ALDH2: variants seen among roughly 807,000 people sequenced by gnomAD.
ALDH2 encodes the protein aldehyde dehydrogenase 2 family member.
A neutral mutation model predicts 59.6 loss-of-function variants in ALDH2; 44 were observed. That is an observed-to-expected ratio of 0.74 (90% CI 0.58 to 0.95). The LOEUF (loss-of-function observed/expected upper bound fraction) is 0.95, where lower values mean the gene tolerates loss of function less well. Ranked by LOEUF, ALDH2 falls within the 40% of genes least tolerant of loss-of-function variation. The probability of loss-of-function intolerance (pLI) is 0.00; values close to 1 mark genes in which losing one functional copy is unlikely to be tolerated. For synonymous variants in ALDH2, 291 were observed against 284.0 expected (o/e 1.02, Z -0.25); for missense variants, 570 against 696.3 (o/e 0.82, Z 2.04).
intron 3 of ALDH2, among the ~76,000 whole-genome samples, chr12:111,783,934 G>A (rs1434152644): frequency 6.6e-6 from 1 of 152,114 alleles, no homozygotes; most frequent in Non-Finnish European, 1.5e-5. Context: ...CCTCCATGGT[G>A]GGCCTTCTCC....
intron 9 of ALDH2, 107 bp from the exon 10 acceptor site, chr12:111,797,971 C>A: frequency 7.4e-7 from 1 of 1,355,884 alleles, no homozygotes; most frequent in Non-Finnish European, 1.0e-6. Context: ...TTTCTTATGA[C>A]CTTGGTCCAT....
chr12:111,790,915 G>A (rs1435214844), intron 6 of ALDH2, among the ~76,000 whole-genome samples: 1 of 152,156 alleles, frequency 6.6e-6, no homozygotes, highest in Non-Finnish European at 1.5e-5. Context: ...TCAGCTGGGT[G>A]GCATGCACCT....
intron 7 of ALDH2, among the ~76,000 whole-genome samples, chr12:111,791,835 A>G (rs368139724): frequency 2.0e-5 from 3 of 152,090 alleles, no homozygotes; most frequent in Non-Finnish European, 4.4e-5. Context: ...CTGAGAGGTC[A>G]AGGCTGCAGT....
At chr12:111,781,600 A>G (rs768629131) in intron 1 of ALDH2, among the ~76,000 whole-genome samples, 10 of 152,216 alleles carry the variant, frequency 6.6e-5, no homozygotes, top group Non-Finnish European at 1.2e-4. Flanking sequence ...ACTGTGGGAG[A>G]TAAGAAATCA....
intron 1 of ALDH2, among the ~76,000 whole-genome samples, chr12:111,774,696 T>TTACTG (rs2068222854): frequency 6.6e-6 from 1 of 152,162 alleles, no homozygotes; most frequent in Non-Finnish European, 1.5e-5. Context: ...GGGCAGATGA[T>TTACTG]AACCACCCAT....
intron 4 of ALDH2, among the ~76,000 whole-genome samples, chr12:111,789,491 C>CA (rs35650885): frequency 0.069 from 5,095 of 73,922 alleles, 861 homozygotes; most frequent in East Asian, 0.62. Flanking sequence ...GACGCTGTCT[C>CA]AAAAAAAAAA....
At chr12:111,792,843 C>A in intron 9 of ALDH2, 61 bp downstream of exon 9, 5 of 1,491,896 alleles carry the variant, frequency 3.4e-6, no homozygotes, top group Non-Finnish European at 3.6e-6. Flanking sequence ...GCAGAGAGGG[C>A]ATCGGGCTCA....
At chr12:111,776,335 C>CATA (rs2068235064) in intron 1 of ALDH2, among the ~76,000 whole-genome samples, 1 of 152,190 alleles carries the variant, frequency 6.6e-6, no homozygotes, top group Non-Finnish European at 1.5e-5. Context: ...CCCCTGCGGG[C>CATA]AAGGTCCTAG....
At chr12:111,803,080 A>G (rs2068467245) in intron 11 of ALDH2, among the ~76,000 whole-genome samples, 1 of 147,600 alleles carries the variant, frequency 6.8e-6, no homozygotes, top group South Asian at 2.2e-4. Context: ...AATCCCAGCT[A>G]CTCGGGAGGC....
chr12:111,791,507 G>A (rs910385237), intron 7 of ALDH2, 88 bp downstream of exon 7: 55 of 1,039,548 alleles, frequency 5.3e-5, no homozygotes, highest in Non-Finnish European at 7.3e-5. Flanking sequence ...GTGAGCTCCC[G>A]GGTGTCAAGC....
At chr12:111,785,398 A>G in intron 4 of ALDH2, 52 bp downstream of exon 4, 6 of 1,508,360 alleles carry the variant, frequency 4.0e-6, no homozygotes, top group Non-Finnish European at 5.5e-6. Context: ...AAGGGGAGGC[A>G]ACGTTGTTAG....
intron 6 of ALDH2, among the ~76,000 whole-genome samples, chr12:111,791,053 AAC>A (rs1418307343): frequency 6.6e-6 from 1 of 152,160 alleles, no homozygotes. Context: ...GGTCTCAAAA[AAC>A]AAACAAAAAC....
chr12:111,803,937 C>A lies in ALDH2; in HGVS notation c.1485C>A (p.Gly495=). ...YKMSGSGREL[G]EYGLQAYTEV... ...TGTCGGGGAGTGGCCGGGAGTTGGG[C>A]GAGTACGGGCTGCAGGCATACACTG... Residue 495 remains glycine (G), a synonymous_variant, in exon 12 of 13, where the codon GGC becomes GGA. Coordinates refer to ENST00000261733, the MANE Select transcript of ALDH2 (RefSeq NM_000690.4). The A allele has an allele frequency of 6.2e-7, 1 of 1,612,182 alleles. No homozygotes were observed. Among genetic ancestry groups the A allele is most frequent in the Non-Finnish European group, 8.5e-7 (1 of 1,179,134 alleles).
At position 111,781,981 on chromosome 12, in the gene ALDH2, T is replaced by C; in HGVS notation, c.178T>C (p.Ser60Pro). The C allele has an allele frequency of 6.2e-7, 1 of 1,614,010 alleles. No individual in the cohort carries two copies. The highest frequency in any genetic ancestry group is 2.2e-5 in the East Asian group (1 of 44,888). The change falls in exon 2 of 13, where the codon TCC becomes CCC. Residue 60 changes from serine (S) to proline (P), a missense_variant. Physicochemically the swap from Ser to Pro is moderately conservative, Grantham distance 74. Transcript: ENST00000261733. The stretch of plus-strand genomic sequence containing the variant: ...GAAAACATTCCCCACCGTCAATCCG[T>C]CCACTGGAGAGGTCATCTGTCAGGT... ...SRKTFPTVNP[S>P]TGEVICQVAE...
intron 9 of ALDH2, among the ~76,000 whole-genome samples, chr12:111,796,700 G>A (rs950713844): frequency 1.3e-5 from 2 of 152,040 alleles, no homozygotes; most frequent in Non-Finnish European, 2.9e-5. Flanking sequence ...GAGCCCAGGA[G>A]TTAGATACTA....
At chr12:111,798,282 G>A (rs748932783) in intron 10 of ALDH2, 40 bp downstream of exon 10, 19 of 1,517,244 alleles carry the variant, frequency 1.3e-5, no homozygotes, top group Non-Finnish European at 1.6e-5. Flanking sequence ...CATTCTTGGC[G>A]GGAGGTGAGG....
At position 111,807,969 on chromosome 12, in the gene ALDH2, C is replaced by T. The variant is rs144033055; in HGVS notation, c.1522-1574C>T. Among the ~76,000 whole-genome samples, 212 of 151,856 alleles carry T rather than the reference C, an allele frequency of 1.4e-3. 2 individuals carry two copies. Among genetic ancestry groups the T allele is most frequent in the African/African-American group, 4.7e-3 (193 of 41,370 alleles). ...TTGGCTCACTGCAACCTCCGCCTCC[C>T]GGGCTCAAGCGATTCTCATGCCTCA... On this transcript the variant is annotated intron_variant, in intron 12 of 12. Transcript: ENST00000261733.
intron 1 of ALDH2, among the ~76,000 whole-genome samples, chr12:111,778,559 A>G (rs1224610389): frequency 2.7e-5 from 4 of 149,228 alleles, no homozygotes; most frequent in African/African-American, 9.9e-5. Flanking sequence ...AAAAAGAAAA[A>G]AAAAACCCTC....
Position 111,798,127 on chromosome 12 carries a change from A to G in ALDH2, c.1133A>G (p.Lys378Arg), listed in dbSNP as rs751540537. The change falls in exon 10 of 13, where the codon AAG becomes AGG. Residue 378 changes from lysine (K) to arginine (R), a missense_variant. Physicochemically the swap from Lys to Arg is conservative, Grantham distance 26. Transcript: ENST00000261733. ...ATCCTCGGCTACATCAACACGGGGA[A>G]GCAAGAGGGGGCGAAGCTGCTGTGT... The part of the protein sequence containing the change: ...KKILGYINTG[K>R]QEGAKLLCGG... 6.2e-7 allele frequency: 1 copy of G among 1,614,064 alleles called. No homozygotes were observed. Among genetic ancestry groups the G allele is most frequent in the Non-Finnish European group, 8.5e-7 (1 of 1,179,986 alleles).
Sources: allele counts gnomAD v4.1 joint callset (sites outside exome capture counted in the v4.1 genomes callset), GRCh38; gene constraint gnomAD v4.1.1; transcripts MANE v1.5; gene names NCBI Gene and HGNC (gene_info 2026-07-23, HGNC 2026-07-21).